The following CTPS2 variants were observed in gnomAD, a reference collection of about 807,000 sequenced individuals.
CTPS2 encodes CTP synthase 2, also known as CTP synthase II.
Under a neutral mutation model 46.8 loss-of-function variants are expected in CTPS2, and 19 were observed. The ratio of observed to expected loss-of-function variants is 0.41; its 90% CI spans 0.28 to 0.60. CTPS2 has a LOEUF of 0.60. Ranked by LOEUF, CTPS2 falls within the 20% of genes least tolerant of loss-of-function variation. CTPS2 has a pLI of 0.35. For missense variants in CTPS2, 286 were observed against 447.6 expected, an observed-to-expected ratio of 0.64 and a Z score of 3.26; for synonymous variants, 151 against 165.2, an observed-to-expected ratio of 0.91 and a Z score of 0.66.
intron 17 of CTPS2, among the ~76,000 whole-genome samples, chrX:16,596,207 T>C (rs1929251941): frequency 9.1e-6 from 1 of 110,082 alleles, no homozygotes; most frequent in South Asian, 3.8e-4. Context: ...TTTATTATTA[T>C]ACTTTTAAGT....
intron 10 of CTPS2, among the ~76,000 whole-genome samples, chrX:16,677,199 C>A (rs1422856893): frequency 1.8e-5 from 2 of 111,433 alleles, no homozygotes; most frequent in African/African-American, 6.5e-5. Flanking sequence ...GGAAAGCCTT[C>A]TAATTTAGTT....
intron 17 of CTPS2, among the ~76,000 whole-genome samples, chrX:16,603,309 C>G (rs111798165): frequency 0.013 from 1,389 of 109,009 alleles, 32 homozygotes; most frequent in African/African-American, 0.044. Flanking sequence ...CCCAGCCACT[C>G]GGGAGGCTGA....
chrX:16,698,789 G>A (rs1028643193), intron 3 of CTPS2, 134 bp downstream of exon 3: 3 of 514,746 alleles, frequency 5.8e-6, no homozygotes, highest in African/African-American at 4.9e-5. Flanking sequence ...GACCTCAGGT[G>A]ATCCACTGGC....
At chrX:16,694,402 C>T (rs188535378) in intron 4 of CTPS2, among the ~76,000 whole-genome samples, 1 of 111,195 alleles carries the variant, frequency 9.0e-6, no homozygotes, top group East Asian at 2.9e-4. Context: ...GGAGGGCGGA[C>T]TCTGACCCTC....
At chrX:16,688,269 G>A (rs1239851427) in intron 8 of CTPS2, among the ~76,000 whole-genome samples, 1 of 110,301 alleles carries the variant, frequency 9.1e-6, no homozygotes, top group Non-Finnish European at 1.9e-5. Flanking sequence ...GCATGGTGGC[G>A]GGCGCCTGTA....
intron 13 of CTPS2, among the ~76,000 whole-genome samples, chrX:16,639,962 G>A (rs931337229): frequency 1.8e-5 from 2 of 111,226 alleles, no homozygotes; most frequent in Non-Finnish European, 3.8e-5. Context: ...CAAGTCCTGT[G>A]GATTTATCCC....
At chrX:16,670,437 G>GT (rs1173278502) in intron 11 of CTPS2, 143 bp downstream of exon 11, 33 of 427,174 alleles carry the variant, frequency 7.7e-5, no homozygotes, top group Non-Finnish European at 1.1e-4. Context: ...AATATAGTTT[G>GT]TTGACCCTAT....
chrX:16,638,177 C>G (rs1931858212), intron 14 of CTPS2, among the ~76,000 whole-genome samples: 1 of 108,955 alleles, frequency 9.2e-6, no homozygotes, highest in Non-Finnish European at 1.9e-5. Flanking sequence ...ATGACGTCAA[C>G]CCAGGAGGCG....
chrX:16,665,633 G>T (rs941863096), intron 13 of CTPS2, among the ~76,000 whole-genome samples: 2 of 112,040 alleles, frequency 1.8e-5, no homozygotes, highest in African/African-American at 3.2e-5. Flanking sequence ...GAGGCTTGGG[G>T]GTGTCAGCTA....
intron 16 of CTPS2, 84 bp downstream of exon 16, chrX:16,617,065 CA>C (rs1162838508): frequency 2.7e-5 from 17 of 633,725 alleles, no homozygotes; most frequent in Non-Finnish European, 3.7e-5. Flanking sequence ...AGAAAGAATG[CA>C]AAAAAAACTG....
intron 9 of CTPS2, 94 bp downstream of exon 9, chrX:16,683,000 G>C: frequency 6.2e-6 from 6 of 971,352 alleles, no homozygotes; most frequent in African/African-American, 1.9e-5. Flanking sequence ...TCCTGCAGGT[G>C]ATCTCAGGGA....
intron 10 of CTPS2, among the ~76,000 whole-genome samples, chrX:16,678,157 C>G (rs1031403945): frequency 6.2e-5 from 7 of 112,120 alleles, no homozygotes; most frequent in African/African-American, 2.3e-4. Flanking sequence ...CAAATAAAAC[C>G]ATTTCTATGC....
At chrX:16,622,456 C>T (rs1930897730) in intron 14 of CTPS2, among the ~76,000 whole-genome samples, 1 of 109,955 alleles carries the variant, frequency 9.1e-6, no homozygotes, top group African/African-American at 3.3e-5. Flanking sequence ...AACATAGAAG[C>T]ATCAGGAAGT....
At chrX:16,639,449 T>C (rs1004703976) in intron 13 of CTPS2, among the ~76,000 whole-genome samples, 1 of 111,390 alleles carries the variant, frequency 9.0e-6, no homozygotes, top group Non-Finnish European at 1.9e-5. Context: ...GCTTCTCATC[T>C]TTCATTTAAA....
At chrX:16,649,358 TGC>T (rs1932486322) in intron 13 of CTPS2, among the ~76,000 whole-genome samples, 1 of 112,792 alleles carries the variant, frequency 8.9e-6, no homozygotes, top group African/African-American at 3.2e-5. Flanking sequence ...TTCTTAAACC[TGC>T]TTCTGAAGCA....
chrX:16,651,109 T>C (rs1005147530), intron 13 of CTPS2: 1 of 1,209,962 alleles, frequency 8.3e-7, no homozygotes, highest in Non-Finnish European at 1.1e-6. Context: ...ACTGAAGCTA[T>C]TGATTCAGGC....
At chrX:16,695,642 C>T (rs1299627968) in intron 4 of CTPS2, among the ~76,000 whole-genome samples, 3 of 110,644 alleles carry the variant, frequency 2.7e-5, no homozygotes, top group Non-Finnish European at 5.7e-5. Context: ...AGCTCCGCCT[C>T]CTGGGTGCAC....
At chrX:16,597,750 T>C (rs1447192366) in intron 17 of CTPS2, among the ~76,000 whole-genome samples, 2 of 111,035 alleles carry the variant, frequency 1.8e-5, no homozygotes, top group Non-Finnish European at 3.8e-5. Context: ...GGTAGCTTGA[T>C]TGGGATGGCA....
At chrX:16,653,677 T>G (rs372501723) in intron 13 of CTPS2, among the ~76,000 whole-genome samples, 8,843 of 111,660 alleles carry the variant, frequency 0.079, 358 homozygotes, top group South Asian at 0.12. Context: ...GCAGTCTGTA[T>G]TTACTAAGGT....
Sources: allele counts gnomAD v4.1 joint callset (sites outside exome capture counted in the v4.1 genomes callset), GRCh38; gene constraint gnomAD v4.1.1; transcripts MANE v1.5; gene names NCBI Gene and HGNC (gene_info 2026-07-23, HGNC 2026-07-21).